Variants in ACACA observed in about 807,000 individuals in gnomAD.
ACACA encodes the protein acetyl-CoA carboxylase alpha, also known as acetyl-CoA carboxylase 1.
A neutral mutation model predicts 296.1 loss-of-function variants in ACACA; 103 were observed. That is an observed-to-expected ratio of 0.35 (90% CI 0.30 to 0.41). ACACA has a LOEUF of 0.41. ACACA is among the 10% of genes least tolerant of loss of function. The pLI, the probability that ACACA is intolerant of heterozygous loss-of-function variation, is 1.00. For synonymous variants in ACACA, 953 were observed against 1,038.6 expected, an observed-to-expected ratio of 0.92 and a Z score of 1.58; for missense variants, 1,554 against 2,989.7, an observed-to-expected ratio of 0.52 and a Z score of 11.20.
rs774124129 is a variant in ACACA, at chr17:37,223,494, A to G, written c.3564+18T>C. ...GAAACAAAGGAAAAGGTCATGTCCC[A>G]TTACCATAAATACTTACCTCCAGAG... On this transcript the variant is annotated intron_variant, in intron 28 of 55. Transcript: ENST00000616317. 6.4e-7 allele frequency: 1 copy of G among 1,568,150 alleles called. No homozygotes were observed. Among genetic ancestry groups the G allele is most frequent in the South Asian group, 1.1e-5 (1 of 90,200 alleles).
chr17:37,086,128 G>T lies in ACACA; in HGVS notation c.*1188C>A. ...ATAATCTTAAGGTCATGTGGATTCTGTGTTTCCTGGAAGCCTCCCTCATCA... is the reference window on the plus strand; with the variant it reads ...ATAATCTTAAGGTCATGTGGATTCTTTGTTTCCTGGAAGCCTCCCTCATCA... On this transcript the variant is annotated 3_prime_UTR_variant, in exon 56 of 56. Coordinates refer to ENST00000616317, the MANE Select transcript of ACACA (RefSeq NM_198834.3). 4.3e-6 allele frequency: 1 copy of T among 231,144 alleles called. No homozygotes were observed. Among genetic ancestry groups the T allele is most frequent in the Non-Finnish European group, 8.3e-6 (1 of 120,304 alleles). The allele number at this position is 231,144 out of a possible 1,614,324, so 14.3% of individuals were successfully genotyped here.
intron 41 of ACACA, among the ~76,000 whole-genome samples, chr17:37,167,249 C>T (rs2076707918): frequency 7.0e-6 from 1 of 142,226 alleles, no homozygotes. Flanking sequence ...AGGAGTTTCA[C>T]ATACACAAAA....
chr17:37,381,257 C>G (rs1416501308), intron 1 of ACACA, among the ~76,000 whole-genome samples: 1 of 152,010 alleles, frequency 6.6e-6, no homozygotes, highest in Non-Finnish European at 1.5e-5. Flanking sequence ...GCGATCTCGT[C>G]TCACTGCAAC....
rs990261211 is a variant in ACACA, at chr17:37,113,392, A to G, written c.6275-127T>C. Reference sequence around the variant, plus strand: ...ACTATGCCTCCTGTTTGGCCACCCTATAGACTAAAGGGAGTATCGACCTGT... The same window carrying G: ...ACTATGCCTCCTGTTTGGCCACCCTGTAGACTAAAGGGAGTATCGACCTGT... On this transcript the variant is annotated intron_variant, in intron 50 of 55. Coordinates refer to ENST00000616317, the MANE Select transcript of ACACA (RefSeq NM_198834.3). This position sits in a 1 kb window ranked among gnomAD's most constrained non-coding sequence, Gnocchi z 4.0. 3.3e-6 allele frequency: 3 copies of G among 918,798 alleles called. No homozygotes were observed. The highest frequency in any genetic ancestry group is 3.5e-6 in the Non-Finnish European group (2 of 576,028). 56.9% of individuals were successfully genotyped at this position (918,798 alleles called of 1,614,324 possible). A position where few individuals can be genotyped will look rare whatever the true frequency, so the allele number is the denominator to read the frequency against.
At position 37,086,665 on chromosome 17, in the gene ACACA, A is replaced by G. The variant is rs2072224998; in HGVS notation, c.*651T>C. On this transcript the variant is annotated 3_prime_UTR_variant, in exon 56 of 56. Transcript: ENST00000616317. ...CCCTAAATCAAGAATAACTGGTTCT[A>G]TTTTCTTTCTCTGCTTCTTGGCTCA... 1 of 153,656 alleles carries G rather than the reference A, an allele frequency of 6.5e-6. No individual in the cohort carries two copies. The highest frequency in any genetic ancestry group is 2.4e-5 in the African/African-American group (1 of 41,426). The allele number at this position is 153,656 out of a possible 1,614,324, so 9.5% of individuals were successfully genotyped here.
At chr17:37,255,947 A>G (rs1166942673) in intron 14 of ACACA, among the ~76,000 whole-genome samples, 2 of 152,048 alleles carry the variant, frequency 1.3e-5, no homozygotes, top group Non-Finnish European at 1.5e-5. Flanking sequence ...GGGTTTTACC[A>G]TGTTGGCGAA....
At chr17:37,352,614 G>A (rs879417299) in intron 1 of ACACA, among the ~76,000 whole-genome samples, 40 of 151,986 alleles carry the variant, frequency 2.6e-4, no homozygotes, top group Admixed American at 4.6e-4. Context: ...CGCTACTTGG[G>A]AGGCTGAGGT....
Position 37,274,180 on chromosome 17 carries a change from G to C in ACACA, c.1008+13C>G, listed in dbSNP as rs1288257085. The C allele has an allele frequency of 6.2e-7, 1 of 1,602,544 alleles. No individual in the cohort carries two copies. Among genetic ancestry groups the C allele is most frequent in the Non-Finnish European group, 8.6e-7 (1 of 1,169,454 alleles). On this transcript the variant is annotated intron_variant, in intron 9 of 55. Transcript: ENST00000616317. ...CAGCTGAAAGGTATCACTCCCTGGA[G>C]TTAGTAACCTACCTGTAGCCCATCA...
At chr17:37,389,411 TA>T in intron 1 of ACACA, 1 of 1,547,636 alleles carries the variant, frequency 6.5e-7, no homozygotes, top group South Asian at 1.2e-5. Context: ...GAAGGTGGGG[TA>T]GGGGCCGGGC....
Position 37,087,033 on chromosome 17 carries a change from T to A in ACACA, c.*283A>T. ...GTTAGTAAGACCTCATGGTACATGT[T>A]TGTACCTTTCATTGCCTTCTCAGTC... On this transcript the variant is annotated 3_prime_UTR_variant, in exon 56 of 56. Transcript: ENST00000616317. The A allele has an allele frequency of 1.9e-6, 1 of 523,742 alleles. No individual in the cohort carries two copies. Among genetic ancestry groups the A allele is most frequent in the South Asian group, 2.0e-5 (1 of 49,856 alleles). The allele number at this position is 523,742 out of a possible 1,614,324, so 32.4% of individuals were successfully genotyped here.
At chr17:37,265,710 A>ATTTTG (rs993889999) in intron 10 of ACACA, among the ~76,000 whole-genome samples, 2 of 152,086 alleles carry the variant, frequency 1.3e-5, no homozygotes, top group South Asian at 2.1e-4. Context: ...AATGCTTTTC[A>ATTTTG]TTTTGTTTTG....
intron 45 of ACACA, among the ~76,000 whole-genome samples, chr17:37,132,315 C>G (rs997493189): frequency 6.6e-6 from 1 of 152,092 alleles, no homozygotes; most frequent in Non-Finnish European, 1.5e-5. Context: ...GGAAACAAAA[C>G]AGAACAAAAA....
chr17:37,178,379 G>C (rs2077196433), intron 41 of ACACA, among the ~76,000 whole-genome samples: 1 of 152,104 alleles, frequency 6.6e-6, no homozygotes, highest in African/African-American at 2.4e-5. Flanking sequence ...GCCCCTTCAA[G>C]AACACATTTA....
In ACACA at chr17:37,258,321, C is replaced by G. The variant is rs1360557728; in HGVS notation, c.1553G>C (p.Gly518Ala). ...YRIKDIRMMYGVSPWGDSPID... is the reference protein window; with the variant it reads ...YRIKDIRMMYAVSPWGDSPID... ...GGGAGAATCACCCCAGGGAGATACC[C>G]CATACATCATACGGATATCCTTGAT... Residue 518 changes from glycine to alanine, a missense_variant, in exon 13 of 56, where the codon GGG becomes GCG. Physicochemically the swap from Gly to Ala is moderately conservative, Grantham distance 60. This residue lies in a region of ACACA where 37 missense variants were observed against 49.9 expected (regional missense o/e 0.74). Transcript: ENST00000616317. 2 of 1,613,860 alleles carry G rather than the reference C, an allele frequency of 1.2e-6. No homozygotes were observed. The highest frequency in any genetic ancestry group is 2.7e-5 in the African/African-American group (2 of 74,880).
chr17:37,371,584 T>A (rs1201223870), intron 1 of ACACA, among the ~76,000 whole-genome samples: 2 of 152,122 alleles, frequency 1.3e-5, no homozygotes, highest in Non-Finnish European at 2.9e-5. Context: ...CTCTCCTGTA[T>A]ATATGGTATA....
intron 3 of ACACA, among the ~76,000 whole-genome samples, chr17:37,286,032 T>C (rs1018501387): frequency 1.3e-5 from 2 of 151,990 alleles, no homozygotes; most frequent in African/African-American, 4.8e-5. Context: ...GCTGAGACTG[T>C]AGGCGCGCCA....
At chr17:37,177,866 T>G (rs1292798285) in intron 41 of ACACA, among the ~76,000 whole-genome samples, 1 of 152,222 alleles carries the variant, frequency 6.6e-6, no homozygotes, top group African/African-American at 2.4e-5. Flanking sequence ...ACTCTCCATC[T>G]GGTCCAATGC....
Position 37,406,500 on chromosome 17 carries a change from G to A in ACACA, c.-201C>T. The A allele has an allele frequency of 1.5e-6, 1 of 646,844 alleles. No homozygotes were observed. The highest frequency in any genetic ancestry group is 2.7e-6 in the Non-Finnish European group (1 of 363,958). 40.1% of individuals were successfully genotyped at this position (646,844 alleles called of 1,614,324 possible). A position where few individuals can be genotyped will look rare whatever the true frequency, so the allele number is the denominator to read the frequency against. Reference sequence around the variant, plus strand: ...CCACGGCTCGCCGTCCCTGGGCCCAGTTCCCTCAGCCTCAATTTCCCTTGC... The same window carrying A: ...CCACGGCTCGCCGTCCCTGGGCCCAATTCCCTCAGCCTCAATTTCCCTTGC... On this transcript the variant is annotated 5_prime_UTR_variant, in exon 1 of 56. Coordinates refer to ENST00000616317, the MANE Select transcript of ACACA (RefSeq NM_198834.3).
chr17:37,323,586 CCAAA>C (rs1367191767), intron 3 of ACACA, among the ~76,000 whole-genome samples: 19 of 151,784 alleles, frequency 1.3e-4, no homozygotes, highest in South Asian at 1.0e-3. Flanking sequence ...CAGAGTGAGA[CCAAA>C]CAAACAAACA....
Sources: allele counts gnomAD v4.1 joint callset (sites outside exome capture counted in the v4.1 genomes callset), GRCh38; gene constraint gnomAD v4.1.1; regional missense constraint gnomAD v4.1.1; non-coding constraint Gnocchi (gnomAD v3.1); transcripts MANE v1.5; gene names NCBI Gene and HGNC (gene_info 2026-07-23, HGNC 2026-07-21).